ACER1: variants seen among roughly 807,000 people sequenced by gnomAD.
ACER1 encodes the protein CTB-180A7.3.
Under a neutral mutation model 24.9 loss-of-function variants are expected in ACER1, and 28 were observed. The ratio of observed to expected loss-of-function variants is 1.13; its 90% CI spans 0.83 to 1.54. ACER1 has a LOEUF of 1.54. Among genes scored for constraint, ACER1 ranks in the 40% most tolerant of loss-of-function variants. ACER1 has a pLI of 0.00. For missense variants in ACER1, 352 were observed against 349.3 expected (o/e 1.01, Z -0.06); for synonymous variants, 132 against 131.4 (o/e 1.00, Z -0.03).
intron 1 of ACER1, among the ~76,000 whole-genome samples, chr19:6,315,288 C>T (rs762805428): frequency 1.1e-4 from 16 of 151,936 alleles, no homozygotes; most frequent in South Asian, 8.3e-4. Flanking sequence ...ACTGCAGCTT[C>T]GACATCCCAG....
In ACER1 at chr19:6,306,503, C is replaced by A. The variant is rs1044627129; in HGVS notation, c.*211G>T. 1 of 547,998 alleles carries A rather than the reference C, an allele frequency of 1.8e-6. No homozygotes were observed. 33.9% of individuals were successfully genotyped at this position (547,998 alleles called of 1,614,324 possible). A position where few individuals can be genotyped will look rare whatever the true frequency, so the allele number is the denominator to read the frequency against. On this transcript the variant is annotated 3_prime_UTR_variant, in exon 6 of 6. Coordinates refer to ENST00000301452, the MANE Select transcript of ACER1 (RefSeq NM_133492.3). The stretch of plus-strand genomic sequence containing the variant: ...GGTCATGGAGGGGAGATGCACGAGA[C>A]AGCCCCCCACAGTCACCAGGCTGCT...
chr19:6,307,337 C>G (rs75161094), intron 4 of ACER1, 47 bp from the exon 5 acceptor site: 7 of 1,589,368 alleles, frequency 4.4e-6, no homozygotes, highest in Non-Finnish European at 6.0e-6. Flanking sequence ...AGAGCAGCAC[C>G]TGATGGGGCT....
At position 6,312,278 on chromosome 19, in the gene ACER1, A is replaced by G; in HGVS notation, c.221T>C (p.Met74Thr). The change falls in exon 3 of 6, where the codon ATG becomes ACG. Residue 74 changes from methionine (M) to threonine (T), a missense_variant. Transcript: ENST00000301452. ...GAAGCTGAGCGTCATGTGGAAATACATGGAGAACAGGCCTGCAGCGGCAAG... is the reference window on the plus strand; with the variant it reads ...GAAGCTGAGCGTCATGTGGAAATACGTGGAGAACAGGCCTGCAGCGGCAAG... ...VLFMIIGLFS[M>T]YFHMTLSFLG... 6.2e-7 allele frequency: 1 copy of G among 1,614,088 alleles called. No homozygotes were observed. Among genetic ancestry groups the G allele is most frequent in the Non-Finnish European group, 8.5e-7 (1 of 1,179,970 alleles).
At chr19:6,320,393 A>G (rs2091624306) in intron 1 of ACER1, among the ~76,000 whole-genome samples, 1 of 151,956 alleles carries the variant, frequency 6.6e-6, no homozygotes, top group Non-Finnish European at 1.5e-5. Context: ...GCTCACTGCA[A>G]CCTCTGCCTC....
At chr19:6,321,861 C>G (rs565741545) in intron 1 of ACER1, among the ~76,000 whole-genome samples, 1 of 141,958 alleles carries the variant, frequency 7.0e-6, no homozygotes, top group Non-Finnish European at 1.5e-5. Context: ...ATCTGCCCAC[C>G]ACGGCCTCCC....
chr19:6,351,148 C>T, the ACER1 span, among the ~76,000 whole-genome samples: 1 of 149,064 alleles, frequency 6.7e-6, no homozygotes, highest in African/African-American at 2.5e-5. Flanking sequence ...GGGCGGATCA[C>T]GAGGTCAAGA....
upstream of ACER1, among the ~76,000 whole-genome samples, chr19:6,337,461 CT>C (rs35503813): frequency 0.023 from 3,130 of 138,798 alleles, 35 homozygotes; most frequent in Non-Finnish European, 0.034. Flanking sequence ...CTTTTTTTTT[CT>C]TTTTTTTTTT....
chr19:6,333,553 T>C lies in ACER1; in HGVS notation c.-2A>G, dbSNP rs752412917. ...CTGATAGGCGAAGATGCTAGGCATC[T>C]TGTCTCAGTGGCCACCACCAGCCGG... On this transcript the variant is annotated 5_prime_UTR_variant, in exon 1 of 6. Coordinates refer to ENST00000301452, the MANE Select transcript of ACER1 (RefSeq NM_133492.3). 7.0e-6 allele frequency: 11 copies of C among 1,576,832 alleles called. No homozygotes were observed. The highest frequency in any genetic ancestry group is 1.8e-5 in the Admixed American group (1 of 54,740).
intron 4 of ACER1, among the ~76,000 whole-genome samples, chr19:6,307,999 C>T (rs527490659): frequency 1.1e-4 from 16 of 148,908 alleles, no homozygotes; most frequent in Non-Finnish European, 1.5e-4. Context: ...GGCTGAGCCA[C>T]TTGAACCCAA....
At chr19:6,311,177 A>G (rs533786109) in intron 3 of ACER1, among the ~76,000 whole-genome samples, 40 of 125,792 alleles carry the variant, frequency 3.2e-4, no homozygotes, top group Middle Eastern at 3.8e-3. Flanking sequence ...AGGACCCAGT[A>G]GGGATAAAGG....
chr19:6,356,017 G>T, the ACER1 span, among the ~76,000 whole-genome samples: 4,560 of 146,656 alleles, frequency 0.031, 118 homozygotes, highest in African/African-American at 0.042. Context: ...ATGGCGGTTT[G>T]GTGGAATAGA....
the ACER1 span, among the ~76,000 whole-genome samples, chr19:6,342,870 C>T: frequency 3.9e-5 from 6 of 151,932 alleles, no homozygotes; most frequent in Non-Finnish European, 8.8e-5. Context: ...CTCCACCTCC[C>T]GAGATCAAGT....
At chr19:6,322,696 C>A (rs898257796) in intron 1 of ACER1, among the ~76,000 whole-genome samples, 1 of 152,186 alleles carries the variant, frequency 6.6e-6, no homozygotes, top group Admixed American at 6.6e-5. Flanking sequence ...TGTGTCCCCA[C>A]CCAAATGTCA....
At chr19:6,318,871 A>G (rs1248824186) in intron 1 of ACER1, among the ~76,000 whole-genome samples, 1 of 150,850 alleles carries the variant, frequency 6.6e-6, no homozygotes, top group East Asian at 2.0e-4. Flanking sequence ...AAAAAAGAAA[A>G]CAAAGATGGA....
rs535299477 is a variant in ACER1 at position 6,332,747 on chromosome 19, T to C, written c.93+712A>G. Among the ~76,000 whole-genome samples, 190 of 152,218 alleles carry C rather than the reference T, an allele frequency of 1.2e-3. 1 individual carries two copies. The highest frequency in any genetic ancestry group is 4.5e-3 in the African/African-American group (185 of 41,540). ...GTGCAGTGGCACAATCTCAGCTCAC[T>C]GCAACCTCCGCCTCCTGGGTTCAAG... On this transcript the variant is annotated intron_variant, in intron 1 of 5. Transcript: ENST00000301452.
intron 1 of ACER1, among the ~76,000 whole-genome samples, chr19:6,313,124 T>G (rs2091589712): frequency 6.6e-6 from 1 of 152,036 alleles, no homozygotes; most frequent in Admixed American, 6.6e-5. Context: ...CTTTTTCTAT[T>G]TATTTATTTT....
the ACER1 span, among the ~76,000 whole-genome samples, chr19:6,357,255 C>A: frequency 6.6e-6 from 1 of 151,570 alleles, no homozygotes; most frequent in Non-Finnish European, 1.5e-5. Context: ...CCACGTTGGT[C>A]AGGCTGGTCT....
At chr19:6,318,604 C>T (rs983088212) in intron 1 of ACER1, among the ~76,000 whole-genome samples, 6 of 139,144 alleles carry the variant, frequency 4.3e-5, no homozygotes, top group East Asian at 2.2e-4. Context: ...AGTGAAACAC[C>T]GTCTCTACTA....
At chr19:6,322,682 T>G (rs2091636850) in intron 1 of ACER1, among the ~76,000 whole-genome samples, 1 of 152,190 alleles carries the variant, frequency 6.6e-6, no homozygotes. Context: ...TGATATGATT[T>G]GGCTGTGTCC....
Sources: allele counts gnomAD v4.1 joint callset (sites outside exome capture counted in the v4.1 genomes callset), GRCh38; gene constraint gnomAD v4.1.1; transcripts MANE v1.5; gene names NCBI Gene and HGNC (gene_info 2026-07-23, HGNC 2026-07-21).